The following UBE2W variants were observed in gnomAD, a reference collection of about 807,000 sequenced individuals.
The protein encoded by UBE2W is ubiquitin conjugating enzyme E2 W.
A neutral mutation model predicts 27.2 loss-of-function variants in UBE2W; 18 were observed. The ratio of observed to expected loss-of-function variants is 0.66; its 90% confidence interval spans 0.46 to 0.98. UBE2W has a LOEUF of 0.98. Among genes scored for constraint, UBE2W ranks in the 50% least tolerant of loss-of-function variants. UBE2W has a pLI of 0.00. For missense variants in UBE2W, 90 were observed against 180.2 expected (o/e 0.50, Z 2.87); for synonymous variants, 53 against 57.2 (o/e 0.93, Z 0.33).
In UBE2W at chr8:73,793,421, A is replaced by G. The variant is rs2130842757; in HGVS notation, c.*681T>C. Reference sequence around the variant, plus strand: ...AAATTAATTTATTTTCACCATAGGGATAACATACTGTACCTCTCTGCCAAT... The same window carrying G: ...AAATTAATTTATTTTCACCATAGGGGTAACATACTGTACCTCTCTGCCAAT... On this transcript the variant is annotated 3_prime_UTR_variant, in exon 6 of 6. Coordinates refer to ENST00000602593, the MANE Select transcript of UBE2W (RefSeq NM_018299.6). The G allele has an allele frequency of 9.1e-6, 9 of 985,864 alleles. No homozygotes were observed. The highest frequency in any genetic ancestry group is 1.1e-5 in the Non-Finnish European group (9 of 829,914). 61.1% of individuals were successfully genotyped at this position (985,864 alleles called of 1,614,324 possible).
chr8:73,827,763 C>T (rs1809911611), intron 2 of UBE2W, among the ~76,000 whole-genome samples: 1 of 151,960 alleles, frequency 6.6e-6, no homozygotes, highest in Non-Finnish European at 1.5e-5. Flanking sequence ...CGGTCTTGAA[C>T]TCCTGGGCTC....
At chr8:73,863,739 C>T (rs543736618) in intron 1 of UBE2W, among the ~76,000 whole-genome samples, 8 of 151,944 alleles carry the variant, frequency 5.3e-5, no homozygotes, top group African/African-American at 1.9e-4. Context: ...GCCTGGGTGA[C>T]AGAGACATCA....
At chr8:73,858,967 A>G (rs1563626563) in intron 1 of UBE2W, among the ~76,000 whole-genome samples, 2 of 121,480 alleles carry the variant, frequency 1.6e-5, no homozygotes, top group Non-Finnish European at 1.7e-5. Context: ...CTTCAAGCAC[A>G]GGGGGTTTTT....
intron 1 of UBE2W, among the ~76,000 whole-genome samples, chr8:73,859,820 T>C (rs959596275): frequency 4.6e-5 from 7 of 152,248 alleles, no homozygotes; most frequent in Admixed American, 2.6e-4. Flanking sequence ...CAATCTGTAT[T>C]TCATAGACAT....
chr8:73,834,030 C>T (rs1354762102), intron 1 of UBE2W: 2 of 152,208 alleles, frequency 1.3e-5, no homozygotes, highest in African/African-American at 4.8e-5. Context: ...CAGGCACCTA[C>T]ACTACACCCA....
chr8:73,784,572 G>C (rs180869947), downstream of UBE2W, among the ~76,000 whole-genome samples: 648 of 152,264 alleles, frequency 4.3e-3, 4 homozygotes, highest in Middle Eastern at 0.01. Flanking sequence ...TCTTCCTCCA[G>C]AGAGGATATT....
At chr8:73,825,018 A>G (rs1288715309) in intron 3 of UBE2W, 129 bp downstream of exon 3, 3 of 603,972 alleles carry the variant, frequency 5.0e-6, no homozygotes, top group Non-Finnish European at 5.8e-6. Flanking sequence ...TTATATGACA[A>G]ATAAGATAAT....
At chr8:73,786,023 T>A (rs1807943891), downstream of UBE2W, among the ~76,000 whole-genome samples, 1 of 152,238 alleles carries the variant, frequency 6.6e-6, no homozygotes, top group African/African-American at 2.4e-5. Flanking sequence ...ATATACCTCA[T>A]CTGCCATCCT....
At chr8:73,873,829 T>C (rs1407459480) in intron 1 of UBE2W, among the ~76,000 whole-genome samples, 2 of 152,160 alleles carry the variant, frequency 1.3e-5, no homozygotes, top group Non-Finnish European at 2.9e-5. Context: ...AGGAAGTAAA[T>C]GCAGAAATTT....
At chr8:73,872,558 T>C (rs1812044958) in intron 1 of UBE2W, among the ~76,000 whole-genome samples, 1 of 152,234 alleles carries the variant, frequency 6.6e-6, no homozygotes, top group Non-Finnish European at 1.5e-5. Context: ...GGTAAGTATG[T>C]ACTTATTTGG....
intron 4 of UBE2W, among the ~76,000 whole-genome samples, chr8:73,807,436 T>C (rs1808958626): frequency 6.6e-6 from 1 of 152,216 alleles, no homozygotes; most frequent in South Asian, 2.1e-4. Context: ...CTAAAACTCA[T>C]ATATGTAACT....
chr8:73,876,566 A>G (rs1404334333), intron 1 of UBE2W, among the ~76,000 whole-genome samples: 2 of 152,224 alleles, frequency 1.3e-5, no homozygotes, highest in African/African-American at 4.8e-5. Flanking sequence ...TCGATGGAAC[A>G]AGGTGAAGGA....
chr8:73,791,536 G>A lies in UBE2W; in HGVS notation c.*2566C>T, dbSNP rs766815125. The A allele has an allele frequency of 5.0e-5, 49 of 984,976 alleles. No homozygotes were observed. The highest frequency in any genetic ancestry group is 5.5e-5 in the Non-Finnish European group (46 of 829,720). The allele number at this position is 984,976 out of a possible 1,614,324, so 61.0% of individuals were successfully genotyped here. A position where few individuals can be genotyped will look rare whatever the true frequency, so the allele number is the denominator to read the frequency against. On this transcript the variant is annotated 3_prime_UTR_variant, in exon 6 of 6. Coordinates refer to ENST00000602593, the MANE Select transcript of UBE2W (RefSeq NM_018299.6). The stretch of plus-strand genomic sequence containing the variant: ...TATACATTTTCTTGATATTCTGGTT[G>A]TCTTTCAACAATGCATTACAGAGAA...
intron 1 of UBE2W, among the ~76,000 whole-genome samples, chr8:73,835,879 ACCT>A (rs1041644929): frequency 2.6e-5 from 4 of 152,096 alleles, no homozygotes; most frequent in Middle Eastern, 3.2e-3. Context: ...AGGAACTGAA[ACCT>A]CCTACCAATA....
At chr8:73,846,717 G>A (rs1229985604) in intron 1 of UBE2W, among the ~76,000 whole-genome samples, 75 of 152,104 alleles carry the variant, frequency 4.9e-4, no homozygotes, top group Admixed American at 1.3e-4. Context: ...AAGACAGAAC[G>A]AAATTACAAG....
At chr8:73,824,067 T>C (rs1809731608) in intron 3 of UBE2W, among the ~76,000 whole-genome samples, 1 of 152,202 alleles carries the variant, frequency 6.6e-6, no homozygotes, top group South Asian at 2.1e-4. Context: ...TGGCATCATG[T>C]CTTACCATTT....
At chr8:73,827,601 C>G (rs1378856820) in intron 2 of UBE2W, among the ~76,000 whole-genome samples, 2 of 152,182 alleles carry the variant, frequency 1.3e-5, no homozygotes, top group African/African-American at 4.8e-5. Flanking sequence ...GCAATCAGGG[C>G]TCACTGCAGC....
At chr8:73,800,036 A>C (rs1207788493) in intron 5 of UBE2W, among the ~76,000 whole-genome samples, 2 of 152,218 alleles carry the variant, frequency 1.3e-5, no homozygotes, top group African/African-American at 4.8e-5. Context: ...TCTTTGTAAG[A>C]TTACCCAAAT....
Position 73,788,726 on chromosome 8 carries a change from ATTG to A in UBE2W, c.*5373_*5375del. The A allele has an allele frequency of 5.1e-6, 5 of 985,408 alleles. No individual in the cohort carries two copies. The highest frequency in any genetic ancestry group is 6.0e-6 in the Non-Finnish European group (5 of 829,922). The allele number at this position is 985,408 out of a possible 1,614,324, so 61.0% of individuals were successfully genotyped here. ...TTTGCCTTTGAGAAAACAACTTAGA[ATTG>A]TTGTAGGACCAATGAGAAAACAACT... On this transcript the variant is annotated 3_prime_UTR_variant, in exon 6 of 6. Coordinates refer to ENST00000602593, the MANE Select transcript of UBE2W (RefSeq NM_018299.6).
Sources: gnomAD v4.1 joint callset for allele counts (sites outside exome capture counted in the v4.1 genomes callset) on GRCh38, gnomAD v4.1.1 for gene constraint, MANE v1.5 for transcripts, NCBI Gene and HGNC (gene_info 2026-07-23, HGNC 2026-07-21) for gene names.